Variants in WDR27 observed in about 807,000 individuals in gnomAD.
WDR27 encodes WD repeat-containing protein 27.
WDR27 carries 100 observed loss-of-function variants against 114.4 expected under a neutral mutation model. That is an observed-to-expected ratio of 0.87 (90% CI 0.74 to 1.03). The LOEUF is 1.03. Among genes scored for constraint, WDR27 ranks in the 50% least tolerant of loss-of-function variants. WDR27 has a pLI of 0.00. For missense variants in WDR27, 1,129 were observed against 1,092.9 expected (o/e 1.03, Z -0.47); for synonymous variants, 449 against 423.1 (o/e 1.06, Z -0.75).
chr6:169,569,150 C>A (rs1046349235), intron 25 of WDR27, among the ~76,000 whole-genome samples: 23 of 152,212 alleles, frequency 1.5e-4, no homozygotes, highest in Admixed American at 4.6e-4. Flanking sequence ...GATGCTACTG[C>A]AGCATGAGTT....
intron 25 of WDR27, among the ~76,000 whole-genome samples, chr6:169,499,086 G>T (rs1790771672): frequency 6.6e-6 from 1 of 152,214 alleles, no homozygotes; most frequent in African/African-American, 2.4e-5. Flanking sequence ...CACTGACATG[G>T]AAACGTCCTC....
In WDR27 at chr6:169,613,549, A is replaced by T. The variant is rs751975198; in HGVS notation, c.2321+10T>A. 6.2e-7 allele frequency: 1 copy of T among 1,612,308 alleles called. No individual in the cohort carries two copies. The highest frequency in any genetic ancestry group is 1.3e-5 in the African/African-American group (1 of 74,908). ...CCACCCCTGCAGTGCAGGGCGCAGG[A>T]CAGCCTTACCTCAGGGTTCTCAGGT... On this transcript the variant is annotated intron_variant, in intron 22 of 25. Coordinates refer to ENST00000448612, the MANE Select transcript of WDR27 (RefSeq NM_182552.5).
At chr6:169,698,162 A>G (rs9396996) in intron 1 of WDR27, among the ~76,000 whole-genome samples, 31,271 of 152,136 alleles carry the variant, frequency 0.21, 4,103 homozygotes, top group East Asian at 0.64. Flanking sequence ...TTTCTGGGTC[A>G]GTCTGGCCCC....
chr6:169,655,077 G>A (rs1042565341), intron 13 of WDR27, among the ~76,000 whole-genome samples: 2 of 152,176 alleles, frequency 1.3e-5, no homozygotes, highest in East Asian at 1.9e-4. Context: ...GTTTTCTGCC[G>A]CCCTGTGGTT....
At chr6:169,680,333 A>G (rs1180973148) in intron 2 of WDR27, among the ~76,000 whole-genome samples, 1 of 152,352 alleles carries the variant, frequency 6.6e-6, no homozygotes, top group Admixed American at 6.5e-5. Context: ...CTGTAATCCA[A>G]GTACTTTGGG....
chr6:169,514,014 T>C (rs960170128), intron 25 of WDR27, among the ~76,000 whole-genome samples: 3 of 152,136 alleles, frequency 2.0e-5, no homozygotes, highest in Non-Finnish European at 4.4e-5. Flanking sequence ...CAAAAGGGAA[T>C]AGCAGCTGGC....
At chr6:169,604,742 T>C (rs896989592) in intron 22 of WDR27, among the ~76,000 whole-genome samples, 2 of 152,044 alleles carry the variant, frequency 1.3e-5, no homozygotes, top group Non-Finnish European at 2.9e-5. Context: ...AAGAAGATAA[T>C]ACACCATGAC....
chr6:169,666,082 AG>A (rs1163306753), intron 6 of WDR27, among the ~76,000 whole-genome samples: 1 of 152,262 alleles, frequency 6.6e-6, no homozygotes, highest in African/African-American at 2.4e-5. Flanking sequence ...CTAAACTGTC[AG>A]TAATTTAGGA....
chr6:169,658,428 C>CA, intron 12 of WDR27, 70 bp from the exon 13 acceptor site: 1 of 1,196,844 alleles, frequency 8.4e-7, no homozygotes, highest in Non-Finnish European at 1.2e-6. Flanking sequence ...CTCAGTGACA[C>CA]ACACTTTAAA....
intron 25 of WDR27, among the ~76,000 whole-genome samples, chr6:169,532,771 C>T (rs17640987): frequency 0.041 from 6,248 of 151,578 alleles, 161 homozygotes; most frequent in Non-Finnish European, 0.063. Context: ...CAATTGCAAC[C>T]TCTGGCTTCT....
intron 25 of WDR27, among the ~76,000 whole-genome samples, chr6:169,481,488 C>T (rs929283833): frequency 6.6e-6 from 1 of 152,230 alleles, no homozygotes; most frequent in Non-Finnish European, 1.5e-5. Flanking sequence ...TTCTTTCACT[C>T]TTCGCAATAA....
At chr6:169,639,476 A>G (rs1450946619) in intron 17 of WDR27, among the ~76,000 whole-genome samples, 2 of 117,822 alleles carry the variant, frequency 1.7e-5, no homozygotes, top group East Asian at 2.1e-4. Context: ...GAAAAAAGTG[A>G]AAAAAAAAAA....
At chr6:169,461,425 C>T (rs566698520) in intron 25 of WDR27, among the ~76,000 whole-genome samples, 3 of 152,028 alleles carry the variant, frequency 2.0e-5, no homozygotes, top group African/African-American at 7.2e-5. Context: ...TCTTCTCTGA[C>T]CATATAGGAT....
intron 25 of WDR27, among the ~76,000 whole-genome samples, chr6:169,539,554 A>C (rs908236271): frequency 1.3e-5 from 2 of 152,202 alleles, no homozygotes; most frequent in Admixed American, 1.3e-4. Context: ...AACATGATTC[A>C]CATCTGAATC....
At chr6:169,444,556 A>C in the WDR27 span, among the ~76,000 whole-genome samples, 1 of 151,908 alleles carries the variant, frequency 6.6e-6, no homozygotes, top group African/African-American at 2.4e-5. Context: ...GAGGCCAACC[A>C]CCGCTGCCTC....
intron 25 of WDR27, among the ~76,000 whole-genome samples, chr6:169,538,033 G>T (rs1477481837): frequency 4.0e-5 from 6 of 151,698 alleles, no homozygotes; most frequent in Admixed American, 3.3e-4. Flanking sequence ...GTGTGTATGT[G>T]TGGTGGGGGT....
At chr6:169,541,813 C>A (rs1796884076) in intron 25 of WDR27, among the ~76,000 whole-genome samples, 1 of 152,090 alleles carries the variant, frequency 6.6e-6, no homozygotes, top group South Asian at 2.1e-4. Flanking sequence ...TTAAAAAATT[C>A]TAATGTAATA....
intron 12 of WDR27, among the ~76,000 whole-genome samples, chr6:169,658,604 T>C: frequency 6.6e-6 from 1 of 152,094 alleles, no homozygotes; most frequent in Admixed American, 6.5e-5. Flanking sequence ...AAATAAACTA[T>C]CAACTATTTC....
chr6:169,462,656 T>C (rs1370308496), intron 25 of WDR27, among the ~76,000 whole-genome samples: 3 of 152,154 alleles, frequency 2.0e-5, no homozygotes, highest in South Asian at 4.2e-4. Context: ...CAAGGCCAAA[T>C]AAGATTCCAC....
Sources: allele counts gnomAD v4.1 joint callset (sites outside exome capture counted in the v4.1 genomes callset), GRCh38; gene constraint gnomAD v4.1.1; transcripts MANE v1.5; gene names NCBI Gene and HGNC (gene_info 2026-07-23, HGNC 2026-07-21).